The following VAMP3 variants were observed in gnomAD, a reference collection of about 807,000 sequenced individuals.
The protein encoded by VAMP3 is vesicle associated membrane protein 3.
Under a neutral mutation model 18.1 loss-of-function variants are expected in VAMP3, and 11 were observed. The observed-to-expected ratio is 0.61, with a 90% CI of 0.38 to 1.00. VAMP3 has a LOEUF of 1.00. VAMP3 is among the 50% of genes least tolerant of loss of function. The pLI, the probability that VAMP3 is intolerant of heterozygous loss-of-function variation, is 0.01. For missense variants in VAMP3, 122 were observed against 127.3 expected, an observed-to-expected ratio of 0.96 and a Z score of 0.20; for synonymous variants, 49 against 43.1, an observed-to-expected ratio of 1.14 and a Z score of -0.53.
At chr1:7,772,582 AT>A (rs2097051784) in intron 1 of VAMP3, 1 of 152,364 alleles carries the variant, frequency 6.6e-6, no homozygotes, top group African/African-American at 2.4e-5. Flanking sequence ...TTTGATGAAG[AT>A]TTTAAAAGAT....
At position 7,780,614 on chromosome 1, in the gene VAMP3, A is replaced by G. The variant is rs549300047; in HGVS notation, c.*969A>G. The G allele has an allele frequency of 3.3e-5, 5 of 152,502 alleles. No homozygotes were observed. The highest frequency in any genetic ancestry group is 2.0e-4 in the Admixed American group (3 of 15,308). The allele number at this position is 152,502 out of a possible 1,614,324, so 9.4% of individuals were successfully genotyped here. On this transcript the variant is annotated 3_prime_UTR_variant, in exon 5 of 5. Coordinates refer to ENST00000054666, the MANE Select transcript of VAMP3 (RefSeq NM_004781.4). ...CAGATTATCAGCTGTGGACTCCAGC[A>G]TGTTTCTGATAATTATGCAAGCAAC... is the stretch of plus-strand genomic sequence containing the variant.
chr1:7,771,451 C>T, intron 1 of VAMP3, 66 bp downstream of exon 1: 1 of 1,470,430 alleles, frequency 6.8e-7, no homozygotes, highest in Non-Finnish European at 9.0e-7. Context: ...CTGGGACCGC[C>T]ATACTGCCCA....
chr1:7,773,618 CTG>C (rs928078238), intron 2 of VAMP3, 107 bp downstream of exon 2: 3 of 1,082,634 alleles, frequency 2.8e-6, no homozygotes, highest in African/African-American at 1.6e-5. Flanking sequence ...CAAATTCTGA[CTG>C]TATCATAATT....
At chr1:7,778,805 A>G (rs1371054425) in intron 4 of VAMP3, among the ~76,000 whole-genome samples, 5 of 152,172 alleles carry the variant, frequency 3.3e-5, no homozygotes, top group Middle Eastern at 3.2e-3. Flanking sequence ...AAGCAATTTA[A>G]TATCTCTGGG....
chr1:7,771,309 C>A lies in VAMP3; in HGVS notation c.-75C>A. 1 of 1,572,624 alleles carries A rather than the reference C, an allele frequency of 6.4e-7. No individual in the cohort carries two copies. The highest frequency in any genetic ancestry group is 8.6e-7 in the Non-Finnish European group (1 of 1,162,032). On this transcript the variant is annotated 5_prime_UTR_variant, in exon 1 of 5. Coordinates refer to ENST00000054666, the MANE Select transcript of VAMP3 (RefSeq NM_004781.4). ...CCGCGCCGCGCCGTCCCACCCATCT[C>A]CCTGGCCTCCGGTCCCAACTTCGCT...
intron 1 of VAMP3, 139 bp downstream of exon 1, chr1:7,771,524 T>G (rs1197049969): frequency 8.7e-7 from 1 of 1,146,382 alleles, no homozygotes; most frequent in Non-Finnish European, 1.1e-6. Flanking sequence ...GGCCTGGGGG[T>G]GGGCGGTGGC....
chr1:7,779,654 C>T lies in VAMP3; in HGVS notation c.*9C>T, dbSNP rs1008303455. 4.3e-6 allele frequency: 7 copies of T among 1,614,062 alleles called. No individual in the cohort carries two copies. Among genetic ancestry groups the T allele is most frequent in the South Asian group, 1.1e-5 (1 of 91,074 alleles). On this transcript the variant is annotated 3_prime_UTR_variant, in exon 5 of 5. Coordinates refer to ENST00000054666, the MANE Select transcript of VAMP3 (RefSeq NM_004781.4). Reference sequence around the variant, plus strand: ...GGGTTGTCTCTTCATGAAGAACCAGCGGAACTCAAAACTGCTGTTCAAGAA... The same window carrying T: ...GGGTTGTCTCTTCATGAAGAACCAGTGGAACTCAAAACTGCTGTTCAAGAA...
chr1:7,773,585 A>G, intron 2 of VAMP3, 74 bp downstream of exon 2: 2 of 1,408,092 alleles, frequency 1.4e-6, no homozygotes, highest in Non-Finnish European at 2.0e-6. Context: ...TAGAAAAAGT[A>G]TCATCAAAGT....
At chr1:7,775,169 A>G (rs992501668) in intron 2 of VAMP3, among the ~76,000 whole-genome samples, 1 of 152,052 alleles carries the variant, frequency 6.6e-6, no homozygotes, top group African/African-American at 2.4e-5. Flanking sequence ...CTTATTGGCC[A>G]TTTGTATGTC....
rs140296706 is a variant in VAMP3 at position 7,773,553 on chromosome 1, A to C, written c.72+42A>C. 185 of 1,536,276 alleles carry C rather than the reference A, an allele frequency of 1.2e-4. No homozygotes were observed. In the East Asian group the frequency reaches 3.5e-3, roughly 29 times the overall value. ...TTGGAAATATGAATTTTAAACAAAT[A>C]TGAGTACTCTGGAAATCTGTTTAGA... is the stretch of plus-strand genomic sequence containing the variant. On this transcript the variant is annotated intron_variant, in intron 2 of 4. Transcript: ENST00000054666.
At chr1:7,776,148 G>A (rs228734) in intron 2 of VAMP3, among the ~76,000 whole-genome samples, 10,663 of 152,290 alleles carry the variant, frequency 0.07, 490 homozygotes, top group Middle Eastern at 0.13. Flanking sequence ...CTTCCAGTGT[G>A]TGAACATAGG....
At chr1:7,775,082 T>C (rs2097053588) in intron 2 of VAMP3, among the ~76,000 whole-genome samples, 1 of 152,252 alleles carries the variant, frequency 6.6e-6, no homozygotes, top group South Asian at 2.1e-4. Context: ...ATTTTGATTA[T>C]AACCATCCTA....
chr1:7,777,745 G>A (rs1416703382), intron 3 of VAMP3, among the ~76,000 whole-genome samples: 1 of 152,234 alleles, frequency 6.6e-6, no homozygotes, highest in Non-Finnish European at 1.5e-5. Flanking sequence ...CCAGGAGCAC[G>A]AGCCAAAGCA....
rs901343442 is a variant in VAMP3 at position 7,779,745 on chromosome 1, A to T, written c.*100A>T. On this transcript the variant is annotated 3_prime_UTR_variant, in exon 5 of 5. Coordinates refer to ENST00000054666, the MANE Select transcript of VAMP3 (RefSeq NM_004781.4). ...AAGCTTACCTACTGTTATCTCTAAA[A>T]TTTTTTTTGTGTTAATGTAAAGTTG... The T allele has an allele frequency of 1.8e-5, 27 of 1,527,604 alleles. No individual in the cohort carries two copies. Among genetic ancestry groups the T allele is most frequent in the Non-Finnish European group, 2.2e-5 (25 of 1,122,940 alleles). 94.6% of individuals were successfully genotyped at this position (1,527,604 alleles called of 1,614,324 possible). A position where few individuals can be genotyped will look rare whatever the true frequency, so the allele number is the denominator to read the frequency against.
intron 4 of VAMP3, 97 bp downstream of exon 4, chr1:7,778,266 C>T (rs771687477): frequency 2.3e-5 from 34 of 1,501,960 alleles, no homozygotes; most frequent in Admixed American, 1.5e-4. Context: ...AATTTCCCTC[C>T]GAAATGTTAG....
At chr1:7,773,300 G>A (rs1310491069) in intron 1 of VAMP3, 142 bp from the exon 2 acceptor site, 2 of 660,402 alleles carry the variant, frequency 3.0e-6, no homozygotes, top group East Asian at 5.8e-5. Flanking sequence ...TTCGTTCATT[G>A]CTTCAGGAAG....
rs1323387457 is a variant in VAMP3, at chr1:7,780,001, C to T, written c.*356C>T. 1 of 218,140 alleles carries T rather than the reference C, an allele frequency of 4.6e-6. No homozygotes were observed. The highest frequency in any genetic ancestry group is 2.3e-5 in the African/African-American group (1 of 42,894). The allele number at this position is 218,140 out of a possible 1,614,324, so 13.5% of individuals were successfully genotyped here. A position where few individuals can be genotyped will look rare whatever the true frequency, so the allele number is the denominator to read the frequency against. On this transcript the variant is annotated 3_prime_UTR_variant, in exon 5 of 5. Transcript: ENST00000054666. ...TTATTTTCAGAACCACATTTTAAAC[C>T]TTTGGGTAATCAGATTTCCAACTTA...
intron 3 of VAMP3, 89 bp from the exon 4 acceptor site, chr1:7,778,029 C>T (rs750710615): frequency 2.8e-5 from 40 of 1,417,980 alleles, no homozygotes; most frequent in Non-Finnish European, 3.7e-5. Context: ...ATTTCCCTTT[C>T]AGTGACTAGA....
chr1:7,777,625 G>C (rs535281717), intron 3 of VAMP3, among the ~76,000 whole-genome samples: 9 of 152,328 alleles, frequency 5.9e-5, no homozygotes, highest in African/African-American at 2.2e-4. Flanking sequence ...AGATAGGAGA[G>C]GGCTGGAATT....
Sources: gnomAD v4.1 joint callset for allele counts (sites outside exome capture counted in the v4.1 genomes callset) on GRCh38, gnomAD v4.1.1 for gene constraint, MANE v1.5 for transcripts, NCBI Gene and HGNC (gene_info 2026-07-23, HGNC 2026-07-21) for gene names.